The following GPA33 variants were observed in gnomAD, a reference collection of about 807,000 sequenced individuals.
GPA33 encodes the protein glycoprotein A33.
Under a neutral mutation model 35.6 loss-of-function variants are expected in GPA33, and 27 were observed. The observed-to-expected ratio is 0.76, with a 90% CI of 0.56 to 1.04. GPA33 has a LOEUF of 1.04. GPA33 is among the 50% of genes least tolerant of loss of function. The probability of loss-of-function intolerance (pLI) is 0.00; values close to 1 mark genes in which losing one functional copy is unlikely to be tolerated. For synonymous variants in GPA33, 176 were observed against 164.0 expected, an observed-to-expected ratio of 1.07 and a Z score of -0.56; for missense variants, 428 against 411.9, an observed-to-expected ratio of 1.04 and a Z score of -0.34.
intron 4 of GPA33, among the ~76,000 whole-genome samples, chr1:167,059,544 G>T (rs2102172618): frequency 6.6e-6 from 1 of 152,004 alleles, no homozygotes; most frequent in South Asian, 2.1e-4. Flanking sequence ...CTCACAAAGG[G>T]CCCTCACGAT....
intron 4 of GPA33, among the ~76,000 whole-genome samples, chr1:167,056,852 G>A (rs1324905804): frequency 4.1e-3 from 156 of 38,006 alleles, no homozygotes; most frequent in Admixed American, 4.6e-3. Flanking sequence ...TGTGTAATGT[G>A]TGTGGTGTGT....
chr1:167,077,955 C>G (rs1460638218), intron 1 of GPA33, among the ~76,000 whole-genome samples: 1 of 152,206 alleles, frequency 6.6e-6, no homozygotes, highest in Admixed American at 6.5e-5. Context: ...CTAGATATGA[C>G]AGCTTGACAG....
At chr1:167,082,450 G>A in intron 1 of GPA33, 1 of 387,112 alleles carries the variant, frequency 2.6e-6, no homozygotes, top group Non-Finnish European at 5.0e-6. Context: ...GGGGCACAGA[G>A]GATCCTGAGC....
At chr1:167,056,712 G>A (rs1173576256) in intron 4 of GPA33, among the ~76,000 whole-genome samples, 3 of 1,242 alleles carry the variant, frequency 2.4e-3, no homozygotes, top group Non-Finnish European at 3.6e-3. Context: ...TGTGTGTAGT[G>A]TGTGTGTAGT....
At chr1:167,087,512 C>G (rs1258540540) in intron 1 of GPA33, among the ~76,000 whole-genome samples, 1 of 152,142 alleles carries the variant, frequency 6.6e-6, no homozygotes, top group Non-Finnish European at 1.5e-5. Flanking sequence ...GGGGTCAGCC[C>G]CCTTTGGTCC....
rs751803118 is a variant in GPA33, at chr1:167,069,142, G to A, written c.199-4C>T. ...ACGGCCAGATGACCACCCTTTCCTG[G>A]AGAGAGAAGAAATGGCACCAGGTCT... On this transcript the variant is annotated splice_region_variant and splice_polypyrimidine_tract_variant and intron_variant, in intron 2 of 6. Transcript: ENST00000367868. The A allele has an allele frequency of 6.2e-7, 1 of 1,606,020 alleles. No homozygotes were observed. The highest frequency in any genetic ancestry group is 8.5e-7 in the Non-Finnish European group (1 of 1,172,982).
chr1:167,075,592 C>T (rs975305430), intron 1 of GPA33, among the ~76,000 whole-genome samples: 1 of 152,144 alleles, frequency 6.6e-6, no homozygotes, highest in African/African-American at 2.4e-5. Flanking sequence ...TGAGATGCTC[C>T]TTAGACACCC....
chr1:167,063,728 G>T lies in GPA33; in HGVS notation c.425C>A (p.Ser142Tyr). The part of the protein sequence containing the change: ...RVRLLVLVPP[S>Y]KPECGIEGET... The stretch of plus-strand genomic sequence containing the variant: ...TCCCTCGATGCCGCATTCTGGTTTG[G>T]AGGGTGGCACTATATAGAGGAGAGA... Residue 142 changes from serine to tyrosine, a missense_variant, in exon 4 of 7, where the codon TCC becomes TAC. Transcript: ENST00000367868. The T allele has an allele frequency of 6.2e-7, 1 of 1,612,914 alleles. No homozygotes were observed. The highest frequency in any genetic ancestry group is 8.5e-7 in the Non-Finnish European group (1 of 1,179,962).
chr1:167,061,142 C>T (rs1426140964), intron 4 of GPA33, among the ~76,000 whole-genome samples: 1 of 152,230 alleles, frequency 6.6e-6, no homozygotes, highest in Non-Finnish European at 1.5e-5. Context: ...ATACAGCTAA[C>T]AAGTGTCCGA....
chr1:167,055,469 G>A (rs1308899098), intron 5 of GPA33, among the ~76,000 whole-genome samples: 1 of 152,144 alleles, frequency 6.6e-6, no homozygotes, highest in Non-Finnish European at 1.5e-5. Flanking sequence ...TGGTTCCTAG[G>A]CAGGTGGGAC....
intron 1 of GPA33, among the ~76,000 whole-genome samples, chr1:167,075,922 T>A (rs777153441): frequency 6.6e-6 from 1 of 152,114 alleles, no homozygotes; most frequent in Non-Finnish European, 1.5e-5. Flanking sequence ...GCTGACATGT[T>A]CAACCAGGGA....
At chr1:167,056,799 G>T (rs1666304475) in intron 4 of GPA33, among the ~76,000 whole-genome samples, 1 of 894 alleles carries the variant, frequency 1.1e-3, no homozygotes, top group African/African-American at 4.3e-3. Flanking sequence ...TGGTGCGTGT[G>T]GTGTGGTGTG....
intron 3 of GPA33, among the ~76,000 whole-genome samples, chr1:167,066,405 C>T (rs1666592939): frequency 6.6e-6 from 1 of 152,184 alleles, no homozygotes; most frequent in Non-Finnish European, 1.5e-5. Context: ...GGCAGAGGTA[C>T]AGACAATGGC....
intron 1 of GPA33, among the ~76,000 whole-genome samples, chr1:167,086,531 T>C (rs922220221): frequency 6.6e-6 from 1 of 152,106 alleles, no homozygotes; most frequent in African/African-American, 2.4e-5. Flanking sequence ...CCCACACCTG[T>C]GTGATCCACA....
In GPA33 at chr1:167,054,362, C is replaced by A. The variant is rs770285244; in HGVS notation, c.932G>T (p.Arg311Leu). ...YRQEEQRSTG[R>L]ESPDHLDQ is the part of the protein sequence containing the mutation. ...CTGGTCGAGGTGGTCCGGGGATTCA[C>A]GCCCAGTGCTCCTCTGCTCTTCTTG... is the stretch of plus-strand genomic sequence containing the variant. The change falls in exon 7 of 7, where the codon CGT becomes CTT. Residue 311 changes from arginine (R) to leucine (L), a missense_variant. By Grantham distance (102) the Arg-to-Leu change is moderately radical (BLOSUM62 -2). Coordinates refer to ENST00000367868, the MANE Select transcript of GPA33 (RefSeq NM_005814.3). 5 of 1,614,108 alleles carry A rather than the reference C, an allele frequency of 3.1e-6. No individual in the cohort carries two copies. The highest frequency in any genetic ancestry group is 1.7e-4 in the Middle Eastern group (1 of 6,060).
At chr1:167,069,549 G>A (rs1280760674) in intron 2 of GPA33, among the ~76,000 whole-genome samples, 1 of 152,196 alleles carries the variant, frequency 6.6e-6, no homozygotes, top group Non-Finnish European at 1.5e-5. Flanking sequence ...TGGGCAGCCA[G>A]CCTTGGCTGC....
chr1:167,081,200 C>T (rs560479038), intron 1 of GPA33, among the ~76,000 whole-genome samples: 2 of 152,312 alleles, frequency 1.3e-5, no homozygotes, highest in South Asian at 4.1e-4. Context: ...CTTGATGGAA[C>T]CGGTGGCTTG....
intron 4 of GPA33, among the ~76,000 whole-genome samples, chr1:167,062,468 G>A (rs1329424226): frequency 4.6e-5 from 7 of 151,810 alleles, no homozygotes; most frequent in Admixed American, 3.9e-4. Context: ...TGATCCTCCT[G>A]CCTCAGCCTC....
intron 4 of GPA33, among the ~76,000 whole-genome samples, chr1:167,058,722 A>G (rs1666365212): frequency 6.6e-6 from 1 of 151,624 alleles, no homozygotes; most frequent in South Asian, 2.1e-4. Context: ...TGATATTAAC[A>G]TGCGGCATGG....
Sources: allele counts gnomAD v4.1 joint callset (sites outside exome capture counted in the v4.1 genomes callset), GRCh38; gene constraint gnomAD v4.1.1; transcripts MANE v1.5; gene names NCBI Gene and HGNC (gene_info 2026-07-23, HGNC 2026-07-21).